The following NCAM1 variants were observed in gnomAD, a reference collection of about 807,000 sequenced individuals.
NCAM1 encodes antigen recognized by monoclonal antibody 5.1H11.
Under a neutral mutation model 109.8 loss-of-function variants are expected in NCAM1, and 14 were observed. The observed-to-expected ratio is 0.13, with a 90% confidence interval of 0.08 to 0.20. The LOEUF (loss-of-function observed/expected upper bound fraction) is 0.20. Among genes scored for constraint, NCAM1 ranks in the 10% least tolerant of loss-of-function variants. The pLI is 1.00. For synonymous variants in NCAM1, 418 were observed against 442.9 expected, an observed-to-expected ratio of 0.94 and a Z score of 0.70; for missense variants, 774 against 1,109.9, an observed-to-expected ratio of 0.70 and a Z score of 4.30.
chr11:113,170,487 T>A (rs1942956136), intron 1 of NCAM1, among the ~76,000 whole-genome samples: 1 of 152,198 alleles, frequency 6.6e-6, no homozygotes, highest in Non-Finnish European at 1.5e-5. Context: ...GGCTAGATGT[T>A]AAGAAGATAT....
At chr11:113,235,004 CTT>C (rs782164179) in intron 13 of NCAM1, 27 bp from the exon 14 acceptor site, 1 of 1,536,106 alleles carries the variant, frequency 6.5e-7, no homozygotes, top group Non-Finnish European at 8.8e-7. Context: ...ACAATAGACT[CTT>C]TTGTCATCCT....
intron 1 of NCAM1, among the ~76,000 whole-genome samples, chr11:112,980,751 C>A (rs181407447): frequency 7.2e-5 from 11 of 151,836 alleles, no homozygotes; most frequent in Admixed American, 2.0e-4. Flanking sequence ...AGTCTTTTAT[C>A]CCTATGAAGG....
chr11:113,070,789 TAGAC>T (rs1295246257), intron 1 of NCAM1, among the ~76,000 whole-genome samples: 3 of 152,068 alleles, frequency 2.0e-5, no homozygotes, highest in African/African-American at 4.8e-5. Flanking sequence ...CATTTGCTGA[TAGAC>T]AGGGGAGAAA....
chr11:113,225,875 C>CT (rs1944828686), intron 9 of NCAM1, among the ~76,000 whole-genome samples: 4 of 152,284 alleles, frequency 2.6e-5, no homozygotes, highest in African/African-American at 9.6e-5. Flanking sequence ...TACAGACAAG[C>CT]AAATGCTGAG....
intron 9 of NCAM1, chr11:113,231,216 G>A: frequency 3.9e-6 from 6 of 1,536,150 alleles, no homozygotes; most frequent in East Asian, 2.4e-5. Flanking sequence ...CATGGAACTG[G>A]CAAGTGGGCA....
intron 1 of NCAM1, among the ~76,000 whole-genome samples, chr11:113,101,505 C>T (rs1939873168): frequency 6.6e-6 from 1 of 152,088 alleles, no homozygotes; most frequent in African/African-American, 2.4e-5. Flanking sequence ...TGTATTGCTC[C>T]TTAATTATAA....
chr11:113,198,507 G>T (rs1393133935), intron 1 of NCAM1, among the ~76,000 whole-genome samples: 1 of 152,050 alleles, frequency 6.6e-6, no homozygotes, highest in Non-Finnish European at 1.5e-5. Flanking sequence ...GAGTAGCTGG[G>T]ACTACAGGTG....
chr11:113,170,974 C>T (rs1306848405), intron 1 of NCAM1, among the ~76,000 whole-genome samples: 5 of 152,138 alleles, frequency 3.3e-5, no homozygotes, highest in African/African-American at 1.2e-4. Context: ...AAGTAAAATA[C>T]AGTGACTTGA....
At chr11:113,221,681 G>T in intron 9 of NCAM1, 1 of 212,748 alleles carries the variant, frequency 4.7e-6, no homozygotes. Flanking sequence ...TGTGGCTCTG[G>T]ACCATAAAGT....
At chr11:113,160,138 T>C (rs535425751) in intron 1 of NCAM1, among the ~76,000 whole-genome samples, 75 of 152,190 alleles carry the variant, frequency 4.9e-4, no homozygotes, top group African/African-American at 1.4e-3. Context: ...GGTTTGCAGC[T>C]GATGTTATTC....
At chr11:113,229,988 C>T (rs1193988874) in intron 9 of NCAM1, among the ~76,000 whole-genome samples, 2 of 151,466 alleles carry the variant, frequency 1.3e-5, no homozygotes, top group Non-Finnish European at 2.9e-5. Context: ...ATGTAAATGA[C>T]GAGTTAATGG....
At chr11:113,139,702 T>G (rs1306173385) in intron 1 of NCAM1, among the ~76,000 whole-genome samples, 1 of 152,150 alleles carries the variant, frequency 6.6e-6, no homozygotes, top group African/African-American at 2.4e-5. Flanking sequence ...CAAGTATTAT[T>G]ATCTACAGCT....
chr11:113,252,799 CTT>C (rs33948720), intron 15 of NCAM1, among the ~76,000 whole-genome samples: 2,656 of 39,006 alleles, frequency 0.068, 8 homozygotes, highest in East Asian at 0.22. Context: ...CTATGCCCAG[CTT>C]TTTTTTTTTT....
At chr11:113,123,738 C>T (rs781818758) in intron 1 of NCAM1, among the ~76,000 whole-genome samples, 7 of 152,206 alleles carry the variant, frequency 4.6e-5, no homozygotes, top group African/African-American at 1.7e-4. Flanking sequence ...AATGTCAACC[C>T]GGCTTTATCA....
intron 17 of NCAM1, among the ~76,000 whole-genome samples, chr11:113,265,364 C>T (rs1289856441): frequency 6.6e-6 from 1 of 152,106 alleles, no homozygotes; most frequent in African/African-American, 2.4e-5. Flanking sequence ...TTTTCCCAGG[C>T]ATCCTAAGAG....
intron 1 of NCAM1, among the ~76,000 whole-genome samples, chr11:112,990,900 C>T (rs565078461): frequency 2.6e-4 from 40 of 152,198 alleles, no homozygotes; most frequent in Non-Finnish European, 5.3e-4. Context: ...AAATTTATAC[C>T]ATTACCTGAT....
intron 14 of NCAM1, chr11:113,245,991 T>C (rs1945488762): frequency 8.2e-6 from 2 of 243,290 alleles, no homozygotes; most frequent in East Asian, 1.6e-4. Flanking sequence ...CAGCAACACC[T>C]CCCCATTTCA....
intron 1 of NCAM1, among the ~76,000 whole-genome samples, chr11:113,022,730 G>GTAGT (rs1311760279): frequency 6.3e-4 from 96 of 152,268 alleles, no homozygotes; most frequent in African/African-American, 2.1e-3. Context: ...AGGTAGGTAG[G>GTAGT]TAGGTAGTCC....
chr11:113,245,088 G>A (rs181080004), intron 14 of NCAM1, among the ~76,000 whole-genome samples: 94 of 149,784 alleles, frequency 6.3e-4, no homozygotes, highest in African/African-American at 2.2e-3. Context: ...CTTAAGAAAA[G>A]TGTTTTTTTT....
Sources: allele counts gnomAD v4.1 joint callset (sites outside exome capture counted in the v4.1 genomes callset), GRCh38; gene constraint gnomAD v4.1.1; transcripts MANE v1.5; gene names NCBI Gene and HGNC (gene_info 2026-07-23, HGNC 2026-07-21).